Variants in GRHL2 observed in about 807,000 individuals in gnomAD.
GRHL2 encodes the protein grainyhead like transcription factor 2, also known as grainyhead-like protein 2 homolog.
Under a neutral mutation model 83.8 loss-of-function variants are expected in GRHL2, and 21 were observed. The ratio of observed to expected loss-of-function variants is 0.25; its 90% CI spans 0.18 to 0.36. GRHL2 has a LOEUF of 0.36. GRHL2 is among the 10% of genes least tolerant of loss of function. The pLI, the probability that GRHL2 is intolerant of heterozygous loss-of-function variation, is 1.00. For missense variants in GRHL2, 623 were observed against 781.8 expected, an observed-to-expected ratio of 0.80 and a Z score of 2.42; for synonymous variants, 280 against 278.9, an observed-to-expected ratio of 1.00 and a Z score of -0.04.
intron 4 of GRHL2, among the ~76,000 whole-genome samples, chr8:101,564,761 A>G (rs944606750): frequency 2.1e-5 from 3 of 140,094 alleles, no homozygotes; most frequent in Non-Finnish European, 3.1e-5. Context: ...GCAGGAAGCT[A>G]TGATCATGCC....
At chr8:101,674,009 C>T (rs544634583), downstream of GRHL2, among the ~76,000 whole-genome samples, 18 of 151,910 alleles carry the variant, frequency 1.2e-4, no homozygotes, top group African/African-American at 1.9e-4. Flanking sequence ...TTGAAACCAA[C>T]GAGAACAAAG....
In GRHL2 at chr8:101,500,806, C is replaced by T. The variant is rs1304153290; in HGVS notation, c.20+8017C>T. Among the ~76,000 whole-genome samples the T allele has an allele frequency of 6.6e-5, 10 of 151,846 alleles. No individual in the cohort carries two copies. In the South Asian group the frequency reaches 8.3e-4, roughly 13 times the overall value. Reference sequence around the variant, plus strand: ...GATTACAGGCATGAACCACCACGCCCGACCGAAAGTGTGTTTTATGCTGTA... The same window carrying T: ...GATTACAGGCATGAACCACCACGCCTGACCGAAAGTGTGTTTTATGCTGTA... On this transcript the variant is annotated intron_variant, in intron 1 of 15. Coordinates refer to ENST00000646743, the MANE Select transcript of GRHL2 (RefSeq NM_024915.4).
chr8:101,525,758 C>T (rs772336058), intron 1 of GRHL2, among the ~76,000 whole-genome samples: 1 of 152,126 alleles, frequency 6.6e-6, no homozygotes, highest in African/African-American at 2.4e-5. Context: ...CACTTGAGGT[C>T]AGGAGTTTGA....
At chr8:101,624,674 A>G (rs1471015889) in intron 9 of GRHL2, among the ~76,000 whole-genome samples, 1 of 150,948 alleles carries the variant, frequency 6.6e-6, no homozygotes, top group Non-Finnish European at 1.5e-5. Context: ...GACAGTACAT[A>G]GTAGGACAGT....
At chr8:101,520,185 G>C (rs1810654297) in intron 1 of GRHL2, among the ~76,000 whole-genome samples, 1 of 152,118 alleles carries the variant, frequency 6.6e-6, no homozygotes, top group African/African-American at 2.4e-5. Context: ...TATTCTCTTA[G>C]CTTTAAAGAC....
At chr8:101,659,452 T>C (rs1400258923) in intron 14 of GRHL2, among the ~76,000 whole-genome samples, 1 of 152,206 alleles carries the variant, frequency 6.6e-6, no homozygotes, top group Non-Finnish European at 1.5e-5. Context: ...AGAAATGATG[T>C]GGAAGCAGGT....
At chr8:101,677,507 G>A in the GRHL2 span, among the ~76,000 whole-genome samples, 1 of 108,606 alleles carries the variant, frequency 9.2e-6, no homozygotes, top group East Asian at 2.5e-4. Context: ...ACCAAATAAA[G>A]TGATTAAATA....
At chr8:101,498,431 G>C (rs1810152885) in intron 1 of GRHL2, among the ~76,000 whole-genome samples, 1 of 152,104 alleles carries the variant, frequency 6.6e-6, no homozygotes, top group Non-Finnish European at 1.5e-5. Context: ...TCACTTTTTT[G>C]AGGACTGTTG....
At chr8:101,598,170 C>T (rs1563599756) in intron 7 of GRHL2, among the ~76,000 whole-genome samples, 2 of 151,168 alleles carry the variant, frequency 1.3e-5, no homozygotes, top group Admixed American at 1.3e-4. Context: ...CAAATAAAGT[C>T]ATAAAATAAG....
intron 1 of GRHL2, among the ~76,000 whole-genome samples, chr8:101,496,082 G>A (rs657462): frequency 0.81 from 121,352 of 149,382 alleles, 50,802 homozygotes; most frequent in Non-Finnish European, 0.93. Flanking sequence ...TGGGAGGCGG[G>A]GGTTGCAGTG....
chr8:101,656,971 A>G (rs1813804781), intron 14 of GRHL2, among the ~76,000 whole-genome samples: 1 of 152,032 alleles, frequency 6.6e-6, no homozygotes, highest in Non-Finnish European at 1.5e-5. Context: ...TGAAGAGGCT[A>G]GAGAAAGGGA....
At chr8:101,676,344 G>T in the GRHL2 span, among the ~76,000 whole-genome samples, 85 of 151,196 alleles carry the variant, frequency 5.6e-4, 2 homozygotes, top group Admixed American at 1.6e-3. Flanking sequence ...AATCTACAAT[G>T]AACTCAAACA....
At chr8:101,609,166 G>A (rs746143757) in intron 8 of GRHL2, among the ~76,000 whole-genome samples, 2 of 150,408 alleles carry the variant, frequency 1.3e-5, no homozygotes, top group Non-Finnish European at 2.9e-5. Context: ...GGGAGCTGGA[G>A]AAGGAAGGGG....
intron 4 of GRHL2, among the ~76,000 whole-genome samples, chr8:101,560,492 G>T (rs1194717069): frequency 6.6e-6 from 1 of 152,142 alleles, no homozygotes; most frequent in Non-Finnish European, 1.5e-5. Flanking sequence ...TTTCAACATG[G>T]ACATATGCTT....
At chr8:101,540,991 T>G (rs762252341) in intron 1 of GRHL2, among the ~76,000 whole-genome samples, 3 of 152,158 alleles carry the variant, frequency 2.0e-5, no homozygotes, top group Non-Finnish European at 2.9e-5. Context: ...TACCCATAGC[T>G]GCTTAGCTCC....
chr8:101,564,973 T>C (rs1392370275), intron 4 of GRHL2, among the ~76,000 whole-genome samples: 2 of 152,226 alleles, frequency 1.3e-5, no homozygotes, highest in African/African-American at 4.8e-5. Context: ...AAATGCATAC[T>C]GGTTTCTGCC....
rs774752882 is a variant in GRHL2 at position 101,543,403 on chromosome 8, T to G, written c.183T>G (p.Ala61=). The change falls in exon 2 of 16, where the codon GCT becomes GCG. Residue 61 remains alanine (A), a synonymous_variant. Transcript: ENST00000646743. ...GCATTAATGGTGATGAGGACAGTGC[T>G]GCTGCCCTCGGCCTGCTCTATGACT... ...MMSINGDEDS[A]AALGLLYDYY... is the part of the protein sequence containing the mutation. The G allele has an allele frequency of 5.0e-6, 8 of 1,614,092 alleles. No individual in the cohort carries two copies. In the Admixed American group the frequency reaches 1.0e-4, roughly 20 times the overall value.
chr8:101,494,161 C>A (rs1232079126), intron 1 of GRHL2, among the ~76,000 whole-genome samples: 1 of 152,082 alleles, frequency 6.6e-6, no homozygotes, highest in African/African-American at 2.4e-5. Flanking sequence ...GCCCCAAGGC[C>A]GCGGGCCGCT....
intron 15 of GRHL2, among the ~76,000 whole-genome samples, chr8:101,664,722 A>G (rs1814007448): frequency 1.3e-5 from 2 of 152,080 alleles, no homozygotes; most frequent in Non-Finnish European, 1.5e-5. Context: ...CACTGGCACT[A>G]TGTCAACTGA....
Sources: gnomAD v4.1 joint callset for allele counts (sites outside exome capture counted in the v4.1 genomes callset) on GRCh38, gnomAD v4.1.1 for gene constraint, MANE v1.5 for transcripts, NCBI Gene and HGNC (gene_info 2026-07-23, HGNC 2026-07-21) for gene names.